Variants in CABCOCO1 observed in about 807,000 individuals in gnomAD.
CABCOCO1 encodes the protein ciliary associated calcium binding coiled-coil 1, also known as ciliary-associated calcium-binding coiled-coil protein 1.
In CABCOCO1, 28 loss-of-function variants were observed where a neutral mutation model predicts 35.7. The observed-to-expected ratio is 0.78, with a 90% confidence interval of 0.58 to 1.07. CABCOCO1 has a LOEUF of 1.07. Among genes scored for constraint, CABCOCO1 ranks in the 50% least tolerant of loss-of-function variants. The pLI is 0.00. For synonymous variants in CABCOCO1, 95 were observed against 100.1 expected (o/e 0.95, Z 0.30); for missense variants, 326 against 309.2 (o/e 1.05, Z -0.41).
chr10:61,704,720 T>C (rs1840552719), intron 5 of CABCOCO1, among the ~76,000 whole-genome samples: 1 of 152,162 alleles, frequency 6.6e-6, no homozygotes, highest in Non-Finnish European at 1.5e-5. Context: ...TAGCAATAGA[T>C]AACTAATACA....
Position 61,686,185 on chromosome 10 carries a change from G to A in CABCOCO1, c.479G>A (p.Ser160Asn). The A allele has an allele frequency of 1.9e-6, 3 of 1,555,100 alleles. No homozygotes were observed. The highest frequency in any genetic ancestry group is 8.6e-7 in the Non-Finnish European group (1 of 1,157,592). Residue 160 changes from serine (S) to asparagine (N), a missense_variant and splice_region_variant, in exon 4 of 8, where the codon AGC (serine) becomes AAC (asparagine). Coordinates refer to ENST00000648843, the MANE Select transcript of CABCOCO1 (RefSeq NM_001366906.2). Reference protein sequence around the residue: ...ANAIIDYLKISLFQHYKLYEF... With the variant: ...ANAIIDYLKINLFQHYKLYEF... ...GCTATCATTGATTACTTAAAAATCA[G>A]GTATGGATTATTTTCAGTAACATTT...
At chr10:61,698,467 A>C (rs962766785) in intron 5 of CABCOCO1, among the ~76,000 whole-genome samples, 2 of 152,138 alleles carry the variant, frequency 1.3e-5, no homozygotes, top group Non-Finnish European at 2.9e-5. Flanking sequence ...TGATATACTT[A>C]GAAAGATATT....
intron 5 of CABCOCO1, among the ~76,000 whole-genome samples, chr10:61,707,827 A>G (rs574767411): frequency 1.3e-5 from 2 of 152,268 alleles, no homozygotes; most frequent in East Asian, 3.9e-4. Context: ...AAAAGTGTGG[A>G]GAATTATTTC....
At chr10:61,680,342 A>G (rs1010520341) in intron 2 of CABCOCO1, among the ~76,000 whole-genome samples, 1 of 139,780 alleles carries the variant, frequency 7.2e-6, no homozygotes, top group Non-Finnish European at 1.5e-5. Context: ...ATTTATATAC[A>G]TATAACATAT....
chr10:61,686,182 T>G lies in CABCOCO1; in HGVS notation c.476T>G (p.Ile159Ser), dbSNP rs1348138372. 3 of 1,566,634 alleles carry G rather than the reference T, an allele frequency of 1.9e-6. No homozygotes were observed. The highest frequency in any genetic ancestry group is 2.6e-6 in the Non-Finnish European group (3 of 1,163,268). The stretch of plus-strand genomic sequence containing the variant: ...AATGCTATCATTGATTACTTAAAAA[T>G]CAGGTATGGATTATTTTCAGTAACA... The part of the protein sequence containing the change: ...QANAIIDYLK[I>S]SLFQHYKLYE... Residue 159 changes from isoleucine to serine, a missense_variant, in exon 4 of 8, where the codon ATC (isoleucine) becomes AGC (serine). Transcript: ENST00000648843.
At chr10:61,732,900 T>G (rs1003212295) in intron 5 of CABCOCO1, among the ~76,000 whole-genome samples, 2 of 152,124 alleles carry the variant, frequency 1.3e-5, no homozygotes, top group Admixed American at 1.3e-4. Context: ...GAAACGCTTA[T>G]TAAATCTTAA....
chr10:61,680,735 A>AAC, intron 2 of CABCOCO1, among the ~76,000 whole-genome samples: 1 of 64,796 alleles, frequency 1.5e-5, no homozygotes, highest in African/African-American at 5.2e-5. Context: ...TTATATATAT[A>AAC]ATATATATAT....
intron 5 of CABCOCO1, among the ~76,000 whole-genome samples, chr10:61,720,917 C>CTTTTTTTTTTTTTTTTTTTCTTTTT (rs1840994172): frequency 1.5e-5 from 1 of 65,970 alleles, no homozygotes; most frequent in Non-Finnish European, 3.0e-5. Flanking sequence ...TCTTTTCATT[C>CTTTTTTTTTTTTTTTTTTTCTTTTT]TTTTTTTTTT....
intron 5 of CABCOCO1, among the ~76,000 whole-genome samples, chr10:61,726,533 T>A (rs7903791): frequency 0.12 from 17,764 of 151,902 alleles, 1,353 homozygotes; most frequent in African/African-American, 0.19. Flanking sequence ...AGTTTTTTTT[T>A]AAATATTTTT....
chr10:61,669,020 G>GAAAAA (rs200867627), intron 1 of CABCOCO1, among the ~76,000 whole-genome samples: 1,027 of 102,510 alleles, frequency 0.01, 62 homozygotes, highest in Non-Finnish European at 0.017. Context: ...AAGGGTTGGG[G>GAAAAA]AAAAAAAAAA....
At chr10:61,741,335 C>CA (rs1157996371) in intron 5 of CABCOCO1, among the ~76,000 whole-genome samples, 1 of 151,808 alleles carries the variant, frequency 6.6e-6, no homozygotes, top group Non-Finnish European at 1.5e-5. Context: ...TGCATTTTTA[C>CA]AAAAAAATAA....
At chr10:61,757,040 G>A (rs1168551518) in intron 5 of CABCOCO1, among the ~76,000 whole-genome samples, 4 of 151,556 alleles carry the variant, frequency 2.6e-5, no homozygotes, top group Non-Finnish European at 4.4e-5. Context: ...AGCTGACCAT[G>A]TCTCTCTGTT....
At chr10:61,667,716 T>C (rs905160221) in intron 1 of CABCOCO1, among the ~76,000 whole-genome samples, 5 of 151,908 alleles carry the variant, frequency 3.3e-5, no homozygotes, top group African/African-American at 7.2e-5. Flanking sequence ...CATATTTATG[T>C]TATATAGAAC....
chr10:61,672,848 G>T, intron 2 of CABCOCO1, 113 bp downstream of exon 2: 1 of 719,910 alleles, frequency 1.4e-6, no homozygotes, highest in Non-Finnish European at 1.7e-6. Context: ...ATGATATTAT[G>T]CACTGAAAAA....
chr10:61,674,634 A>T (rs56086623), intron 2 of CABCOCO1, among the ~76,000 whole-genome samples: 80 of 152,060 alleles, frequency 5.3e-4, no homozygotes, highest in Non-Finnish European at 8.4e-4. Context: ...AAAATCATAG[A>T]GTCTACAAAG....
chr10:61,739,331 T>C (rs1170899760), intron 5 of CABCOCO1, among the ~76,000 whole-genome samples: 2 of 152,210 alleles, frequency 1.3e-5, no homozygotes, highest in East Asian at 3.8e-4. Flanking sequence ...AGACTAGCTT[T>C]CCACCAAATT....
At chr10:61,675,265 T>A (rs903152447) in intron 2 of CABCOCO1, among the ~76,000 whole-genome samples, 1 of 152,192 alleles carries the variant, frequency 6.6e-6, no homozygotes, top group Non-Finnish European at 1.5e-5. Flanking sequence ...AGTTTACGTA[T>A]TTGCCAGTAA....
intron 5 of CABCOCO1, among the ~76,000 whole-genome samples, chr10:61,717,499 T>C (rs962353203): frequency 6.6e-5 from 10 of 152,216 alleles, no homozygotes; most frequent in Admixed American, 5.2e-4. Flanking sequence ...TACCTAGAGA[T>C]CCACAACTAC....
rs1200267903 is a variant in CABCOCO1 at position 61,686,035 on chromosome 10, T to G, written c.335-6T>G. 1.9e-6 allele frequency: 3 copies of G among 1,586,376 alleles called. No homozygotes were observed. In the South Asian group the frequency reaches 3.5e-5, roughly 19 times the overall value. Reference sequence around the variant, plus strand: ...ATAATTAAGATTTCTCTGGATTTTATTTCAGCACTACATATGTCCTTAGAG... The same window carrying G: ...ATAATTAAGATTTCTCTGGATTTTAGTTCAGCACTACATATGTCCTTAGAG... On this transcript the variant is annotated splice_region_variant and splice_polypyrimidine_tract_variant and intron_variant, in intron 3 of 7. Coordinates refer to ENST00000648843, the MANE Select transcript of CABCOCO1 (RefSeq NM_001366906.2).
Sources: gnomAD v4.1 joint callset for allele counts (sites outside exome capture counted in the v4.1 genomes callset) on GRCh38, gnomAD v4.1.1 for gene constraint, MANE v1.5 for transcripts, NCBI Gene and HGNC (gene_info 2026-07-23, HGNC 2026-07-21) for gene names.